SLC38A12: variants seen among roughly 807,000 people sequenced by gnomAD.
The protein encoded by SLC38A12 is putative sodium-coupled neutral amino acid transporter 12.
At chr17:74,832,551 C>T in the SLC38A12 span, among the ~76,000 whole-genome samples, 5 of 152,270 alleles carry the variant, frequency 3.3e-5, no homozygotes, top group African/African-American at 1.2e-4. Flanking sequence ...TCTCCCCCTC[C>T]TGGTGTGTGA....
chr17:74,819,918 G>A, the SLC38A12 span: 1 of 1,370,014 alleles, frequency 7.3e-7, no homozygotes, highest in Non-Finnish European at 1.0e-6. Context: ...GAGAGGCCGT[G>A]CAGGGCCCCC....
At chr17:74,837,812 AT>A in the SLC38A12 span, 1 of 985,948 alleles carries the variant, frequency 1.0e-6, no homozygotes. Context: ...TGAACTCTGC[AT>A]TTTCAACGTG....
At chr17:74,809,128 T>A in the SLC38A12 span, among the ~76,000 whole-genome samples, 170 of 152,298 alleles carry the variant, frequency 1.1e-3, 1 homozygote, top group African/African-American at 3.9e-3. Flanking sequence ...ACTAAGAAAT[T>A]GAGCATGTCA....
At chr17:74,800,039 G>A in the SLC38A12 span, among the ~76,000 whole-genome samples, 2 of 152,232 alleles carry the variant, frequency 1.3e-5, no homozygotes, top group African/African-American at 4.8e-5. Flanking sequence ...AAAACTGACT[G>A]AGAGACGGGG....
chr17:74,818,189 C>T, the SLC38A12 span, among the ~76,000 whole-genome samples: 5 of 152,304 alleles, frequency 3.3e-5, no homozygotes, highest in East Asian at 1.9e-4. Flanking sequence ...GCTGAGGGGA[C>T]GGCGGAGGCT....
chr17:74,800,938 A>G, the SLC38A12 span, among the ~76,000 whole-genome samples: 1 of 152,222 alleles, frequency 6.6e-6, no homozygotes, highest in Non-Finnish European at 1.5e-5. Flanking sequence ...CCCAGAAAGC[A>G]GACAGCCTGT....
At chr17:74,780,012 T>C in the SLC38A12 span, among the ~76,000 whole-genome samples, 1 of 152,176 alleles carries the variant, frequency 6.6e-6, no homozygotes, top group Non-Finnish European at 1.5e-5. Flanking sequence ...GTTTCCCCAT[T>C]TATGAGGACC....
chr17:74,825,205 C>A, the SLC38A12 span, among the ~76,000 whole-genome samples: 2 of 152,232 alleles, frequency 1.3e-5, no homozygotes, highest in Non-Finnish European at 2.9e-5. Flanking sequence ...CTGTCAGCAG[C>A]CCTGCACGGC....
the SLC38A12 span, among the ~76,000 whole-genome samples, chr17:74,818,985 T>C: frequency 6.6e-6 from 1 of 151,470 alleles, no homozygotes; most frequent in African/African-American, 2.4e-5. Flanking sequence ...AGTTTGACTT[T>C]TGTTTTTTGA....
the SLC38A12 span, among the ~76,000 whole-genome samples, chr17:74,778,851 A>T: frequency 6.6e-6 from 1 of 151,922 alleles, no homozygotes; most frequent in Admixed American, 6.5e-5. Context: ...TGTATTTAGT[A>T]GAGACAGGGT....
chr17:74,791,978 C>G, the SLC38A12 span, among the ~76,000 whole-genome samples: 4 of 151,598 alleles, frequency 2.6e-5, no homozygotes, highest in African/African-American at 7.3e-5. Flanking sequence ...AACCCTGTCT[C>G]TACTAAAAAT....
At chr17:74,820,414 G>A in the SLC38A12 span, among the ~76,000 whole-genome samples, 1 of 152,228 alleles carries the variant, frequency 6.6e-6, no homozygotes, top group Non-Finnish European at 1.5e-5. Context: ...ATTGTCCTCA[G>A]CTGCGGTCTG....
At chr17:74,789,845 CAAAAAAAAAAAAAA>C in the SLC38A12 span, among the ~76,000 whole-genome samples, 1 of 47,412 alleles carries the variant, frequency 2.1e-5, no homozygotes, top group Non-Finnish European at 4.3e-5. Context: ...AACTTCGTCT[CAAAAAAAAAAAAAA>C]AAAAAAAAGG....
At chr17:74,813,448 C>A in the SLC38A12 span, among the ~76,000 whole-genome samples, 2 of 152,178 alleles carry the variant, frequency 1.3e-5, no homozygotes, top group Admixed American at 1.3e-4. Context: ...CACTTCAGCC[C>A]CTCATTCTCC....
the SLC38A12 span, among the ~76,000 whole-genome samples, chr17:74,784,617 A>G: frequency 1.3e-5 from 2 of 151,976 alleles, no homozygotes; most frequent in African/African-American, 4.8e-5. Flanking sequence ...GGGAGGGAGG[A>G]TTGGCAGGGG....
At chr17:74,835,908 C>T in the SLC38A12 span, 15 of 1,584,674 alleles carry the variant, frequency 9.5e-6, no homozygotes, top group African/African-American at 2.7e-5. Context: ...CCAGGTGACT[C>T]CTCTCTCTCG....
At chr17:74,805,105 T>C in the SLC38A12 span, among the ~76,000 whole-genome samples, 2 of 152,248 alleles carry the variant, frequency 1.3e-5, no homozygotes, top group African/African-American at 4.8e-5. This position sits in a 1 kb window ranked among gnomAD's most constrained non-coding sequence, Gnocchi z 5.0. Context: ...TGTGTGCTTT[T>C]CCCTTTGAGA....
At chr17:74,815,165 T>C in the SLC38A12 span, among the ~76,000 whole-genome samples, 1 of 152,160 alleles carries the variant, frequency 6.6e-6, no homozygotes, top group Non-Finnish European at 1.5e-5. Context: ...GATGAGGGCA[T>C]CGTCACCTGC....
the SLC38A12 span, chr17:74,790,833 GT>G: frequency 1.4e-6 from 1 of 698,412 alleles, no homozygotes; most frequent in Non-Finnish European, 2.3e-6. Context: ...ATTAGGAAAA[GT>G]TTTCTCGAGT....
Sources: allele counts gnomAD v4.1 joint callset (sites outside exome capture counted in the v4.1 genomes callset), GRCh38; gene constraint gnomAD v4.1.1; non-coding constraint Gnocchi (gnomAD v3.1); transcripts MANE v1.5; gene names NCBI Gene and HGNC (gene_info 2026-07-23, HGNC 2026-07-21).